PCDH7: variants seen among roughly 807,000 people sequenced by gnomAD.
PCDH7 encodes the protein protocadherin-7.
In PCDH7, 17 loss-of-function variants were observed where a neutral mutation model predicts 58.9. That is an observed-to-expected ratio of 0.29 (90% CI 0.20 to 0.43). PCDH7 has a LOEUF of 0.43. PCDH7 is among the 20% of genes least tolerant of loss of function. The pLI is 1.00. For missense variants in PCDH7, 1,274 were observed against 1,441.0 expected (o/e 0.88, Z 1.88); for synonymous variants, 664 against 616.4 (o/e 1.08, Z -1.14).
At position 30,722,385 on chromosome 4, in the gene PCDH7, C is replaced by T. The variant is rs1276850270; in HGVS notation, c.963C>T (p.Ser321=). 1.2e-6 allele frequency: 2 copies of T among 1,612,554 alleles called. No individual in the cohort carries two copies. The highest frequency in any genetic ancestry group is 2.2e-5 in the South Asian group (2 of 91,072). The change falls in exon 1 of 2, where the codon AGC becomes AGT. Residue 321 remains serine, a synonymous_variant. Coordinates refer to ENST00000361762, the Ensembl canonical transcript of PCDH7. The surrounding 1 kb of genome is among the most constrained non-coding windows in gnomAD (Gnocchi z 7.6). ...ACGAGGCCGACTTGGCTGAGAACAG[C>T]GCCCCGGGGACCCCCATCCTGCAAC... is the stretch of plus-strand genomic sequence containing the variant.
intron 2 of PCDH7, among the ~76,000 whole-genome samples, chr4:30,932,194 T>TGA (rs1472546178): frequency 6.6e-6 from 1 of 152,186 alleles, no homozygotes; most frequent in African/African-American, 2.4e-5. Flanking sequence ...AGAATCTGAA[T>TGA]GAGAAATAAA....
At chr4:31,000,537 A>G (rs1419638769) in intron 3 of PCDH7, among the ~76,000 whole-genome samples, 1 of 152,112 alleles carries the variant, frequency 6.6e-6, no homozygotes, top group Non-Finnish European at 1.5e-5. Flanking sequence ...GCATTATGTA[A>G]GAATTAGGAA....
At chr4:31,031,278 G>A (rs1004850956) in intron 3 of PCDH7, among the ~76,000 whole-genome samples, 2 of 152,136 alleles carry the variant, frequency 1.3e-5, no homozygotes, top group African/African-American at 4.8e-5. Context: ...CACAACAACG[G>A]GGATGCAACT....
At chr4:30,779,757 A>G (rs1160052725) in intron 1 of PCDH7, among the ~76,000 whole-genome samples, 1 of 152,208 alleles carries the variant, frequency 6.6e-6, no homozygotes, top group Non-Finnish European at 1.5e-5. Context: ...GGGTTTATCA[A>G]TCACCTGGAA....
chr4:31,041,892 T>A (rs1755898115), intron 3 of PCDH7, among the ~76,000 whole-genome samples: 2 of 152,162 alleles, frequency 1.3e-5, no homozygotes, highest in Admixed American at 1.3e-4. Flanking sequence ...CCAAGAATTT[T>A]AAAAAGTTTT....
intron 3 of PCDH7, among the ~76,000 whole-genome samples, chr4:31,026,164 C>T (rs1316313848): frequency 6.6e-6 from 1 of 152,170 alleles, no homozygotes; most frequent in Non-Finnish European, 1.5e-5. Context: ...AACTCATTAA[C>T]CTTCTAACAT....
intron 1 of PCDH7, chr4:30,776,178 G>A (rs945754045): frequency 6.6e-6 from 1 of 152,162 alleles, no homozygotes; most frequent in Non-Finnish European, 1.5e-5. Flanking sequence ...ACTGAACTAA[G>A]TCCAAGTGTA....
chr4:31,113,457 G>A (rs896395205), intron 3 of PCDH7, among the ~76,000 whole-genome samples: 3 of 152,142 alleles, frequency 2.0e-5, no homozygotes, highest in Non-Finnish European at 4.4e-5. Context: ...AGATCCTCAT[G>A]TAGGACATGT....
chr4:31,082,927 T>C (rs1262286691), intron 3 of PCDH7, among the ~76,000 whole-genome samples: 1 of 152,028 alleles, frequency 6.6e-6, no homozygotes, highest in Non-Finnish European at 1.5e-5. Flanking sequence ...GCTAACATGG[T>C]GAAACCCCGT....
chr4:31,006,283 A>C (rs1578543065), intron 3 of PCDH7, among the ~76,000 whole-genome samples: 1 of 152,178 alleles, frequency 6.6e-6, no homozygotes, highest in East Asian at 1.9e-4. Flanking sequence ...TTTTCAAAGG[A>C]GATTTGAGGC....
At chr4:30,865,510 A>C (rs1734768157) in intron 1 of PCDH7, among the ~76,000 whole-genome samples, 1 of 152,020 alleles carries the variant, frequency 6.6e-6, no homozygotes, top group South Asian at 2.1e-4. Flanking sequence ...TGGACATGTG[A>C]GCAACATTGT....
intron 2 of PCDH7, among the ~76,000 whole-genome samples, chr4:30,921,602 C>T (rs909736478): frequency 6.6e-6 from 1 of 151,968 alleles, no homozygotes; most frequent in African/African-American, 2.4e-5. Context: ...TGATGATTGA[C>T]GTCCCTCTTG....
intron 1 of PCDH7, chr4:30,724,882 T>C: frequency 8.3e-7 from 1 of 1,198,218 alleles, no homozygotes; most frequent in Non-Finnish European, 1.0e-6. Context: ...TAATTCATAC[T>C]ACATTTTTTT....
intron 3 of PCDH7, among the ~76,000 whole-genome samples, chr4:31,083,261 T>G (rs908166524): frequency 6.6e-6 from 1 of 152,050 alleles, no homozygotes; most frequent in African/African-American, 2.4e-5. Flanking sequence ...TGAAATAAAA[T>G]TTTTTTAAAG....
chr4:30,779,004 T>TTTG (rs1722440470), intron 1 of PCDH7, among the ~76,000 whole-genome samples: 1 of 39,682 alleles, frequency 2.5e-5, no homozygotes, highest in East Asian at 8.0e-4. Context: ...CCTTACTCCG[T>TTTG]TTTTTTTTTT....
intron 1 of PCDH7, among the ~76,000 whole-genome samples, chr4:30,800,704 T>C (rs1001679543): frequency 6.6e-6 from 1 of 152,194 alleles, no homozygotes; most frequent in African/African-American, 2.4e-5. Flanking sequence ...GCATTTCAAC[T>C]GGATGAGAAA....
intron 3 of PCDH7, among the ~76,000 whole-genome samples, chr4:31,072,474 T>C (rs941488162): frequency 1.3e-5 from 2 of 152,028 alleles, no homozygotes; most frequent in Non-Finnish European, 2.9e-5. Context: ...GCATTGACAA[T>C]GTGAGCATAA....
chr4:30,767,716 T>C (rs1167504243), intron 1 of PCDH7, among the ~76,000 whole-genome samples: 2 of 152,218 alleles, frequency 1.3e-5, no homozygotes, highest in East Asian at 3.8e-4. Context: ...AGAATTTAAG[T>C]AAAATAGCAA....
chr4:31,127,518 G>A (rs1439648215), intron 3 of PCDH7, among the ~76,000 whole-genome samples: 1 of 152,064 alleles, frequency 6.6e-6, no homozygotes, highest in Non-Finnish European at 1.5e-5. Context: ...TTGCCATTTT[G>A]TTGATTGAAA....
Sources: gnomAD v4.1 joint callset for allele counts (sites outside exome capture counted in the v4.1 genomes callset) on GRCh38, gnomAD v4.1.1 for gene constraint, Gnocchi (gnomAD v3.1) non-coding constraint, MANE v1.5 for transcripts, NCBI Gene and HGNC (gene_info 2026-07-23, HGNC 2026-07-21) for gene names.